TMPRSS3: variants seen among roughly 807,000 people sequenced by gnomAD.
TMPRSS3 encodes the protein transmembrane serine protease 3.
A neutral mutation model predicts 59.6 loss-of-function variants in TMPRSS3; 55 were observed. The observed-to-expected ratio is 0.92, with a 90% CI of 0.74 to 1.16. The LOEUF is 1.16. Ranked by LOEUF, TMPRSS3 falls within the 50% of genes most tolerant of loss-of-function variation. TMPRSS3 has a pLI of 0.00. For missense variants in TMPRSS3, 596 were observed against 579.4 expected, an observed-to-expected ratio of 1.03 and a Z score of -0.29; for synonymous variants, 257 against 237.7, an observed-to-expected ratio of 1.08 and a Z score of -0.75.
intron 1 of TMPRSS3, 103 bp downstream of exon 1, chr21:42,395,839 C>G (rs2052799268): frequency 2.3e-6 from 1 of 443,600 alleles, no homozygotes; most frequent in Non-Finnish European, 4.5e-6. Flanking sequence ...AAAGCCCTTT[C>G]CATTGCTTTT....
intron 2 of TMPRSS3, among the ~76,000 whole-genome samples, chr21:42,393,095 T>C (rs2052754221): frequency 6.6e-6 from 1 of 152,076 alleles, no homozygotes; most frequent in African/African-American, 2.4e-5. Flanking sequence ...AATACAAAAA[T>C]TAGCTGGGTG....
intron 9 of TMPRSS3, among the ~76,000 whole-genome samples, chr21:42,380,901 C>T (rs1413367552): frequency 6.6e-6 from 1 of 152,260 alleles, no homozygotes; most frequent in Non-Finnish European, 1.5e-5. Flanking sequence ...TCACTTGAAA[C>T]TTTGGCAAAG....
rs752967243 is a variant in TMPRSS3 at position 42,383,032 on chromosome 21, C to T, written c.782+1G>A. ...CTGGGAAGATGGTCAGCAGCACTCACTCATAAACACAGTGTGCAGCAGTGA... is the reference window on the plus strand; with the variant it reads ...CTGGGAAGATGGTCAGCAGCACTCATTCATAAACACAGTGTGCAGCAGTGA... On this transcript the variant is annotated splice_donor_variant, in intron 8 of 12. Coordinates refer to ENST00000644384, the MANE Select transcript of TMPRSS3 (RefSeq NM_001256317.3). LOFTEE classifies it high-confidence loss of function. 3 of 1,613,956 alleles carry T rather than the reference C, an allele frequency of 1.9e-6. No homozygotes were observed. Among genetic ancestry groups the T allele is most frequent in the Admixed American group, 1.7e-5 (1 of 60,002 alleles).
At chr21:42,372,839 A>G (rs2052358418) in intron 12 of TMPRSS3, 60 bp from the exon 13 acceptor site, 2 of 1,597,050 alleles carry the variant, frequency 1.3e-6, no homozygotes, top group South Asian at 2.2e-5. Flanking sequence ...GTCCAACATG[A>G]TGACGGAGCG....
At chr21:42,375,354 G>A (rs1472871931) in intron 12 of TMPRSS3, among the ~76,000 whole-genome samples, 1 of 149,502 alleles carries the variant, frequency 6.7e-6, no homozygotes, top group Non-Finnish European at 1.5e-5. Flanking sequence ...CACTGTCTCA[G>A]CCCCCCGCCC....
At chr21:42,376,492 A>T in intron 11 of TMPRSS3, 49 bp downstream of exon 11, 1 of 1,609,678 alleles carries the variant, frequency 6.2e-7, no homozygotes, top group Non-Finnish European at 8.5e-7. Context: ...ACCTGTCCCA[A>T]GGGCTGGGTC....
chr21:42,381,915 G>T lies in TMPRSS3; in HGVS notation c.952+150C>A. 3.0e-6 allele frequency: 3 copies of T among 1,000,386 alleles called. No homozygotes were observed. In the South Asian group the frequency reaches 4.0e-5, roughly 13 times the overall value. 62.0% of individuals were successfully genotyped at this position (1,000,386 alleles called of 1,614,324 possible). ...TTTTAATGAGAAAAGATAATCAACT[G>T]ATGCCAACACCAACATGAATCAGGA... On this transcript the variant is annotated intron_variant, in intron 9 of 12. Coordinates refer to ENST00000644384, the MANE Select transcript of TMPRSS3 (RefSeq NM_001256317.3).
At chr21:42,380,413 A>C (rs1302665811) in intron 9 of TMPRSS3, among the ~76,000 whole-genome samples, 2 of 152,044 alleles carry the variant, frequency 1.3e-5, no homozygotes, top group Non-Finnish European at 2.9e-5. Flanking sequence ...AAAACTGTAA[A>C]AGAGCCCTCC....
rs1230868564 is a variant in TMPRSS3, at chr21:42,388,760, C to T, written c.322+169G>A. On this transcript the variant is annotated intron_variant, in intron 4 of 12. Coordinates refer to ENST00000644384, the MANE Select transcript of TMPRSS3 (RefSeq NM_001256317.3). The surrounding 1 kb of genome is among the most constrained non-coding windows in gnomAD (Gnocchi z 5.1). ...GAGAGCCAGAGCTCCATGGAAGGCC[C>T]TCCCTGACCCCCCAGCCCAACATGT... Among the ~76,000 whole-genome samples, 2 of 151,444 alleles carry T rather than the reference C, an allele frequency of 1.3e-5. No homozygotes were observed. Among genetic ancestry groups the T allele is most frequent in the East Asian group, 1.9e-4 (1 of 5,190 alleles).
At chr21:42,375,583 A>G in intron 12 of TMPRSS3, 133 bp downstream of exon 12, 3 of 1,177,610 alleles carry the variant, frequency 2.5e-6, no homozygotes, top group Non-Finnish European at 3.8e-6. Context: ...CCCTGGAGCC[A>G]CCAAGTCACT....
At chr21:42,385,383 G>A in intron 6 of TMPRSS3, 26 bp downstream of exon 6, 2 of 1,613,626 alleles carry the variant, frequency 1.2e-6, no homozygotes, top group Non-Finnish European at 1.7e-6. Context: ...TACCTGTGCA[G>A]ACAACAGCAT....
In TMPRSS3 at chr21:42,388,693, C is replaced by G. The variant is rs1346298586; in HGVS notation, c.323-167G>C. Among the ~76,000 whole-genome samples the G allele has an allele frequency of 6.6e-6, 1 of 152,224 alleles. No individual in the cohort carries two copies. Among genetic ancestry groups the G allele is most frequent in the Non-Finnish European group, 1.5e-5 (1 of 68,038 alleles). ...GAGCAGTGACTCTGGATCCCTGAGA[C>G]TTCTCGCTGGTCTCATCTTATTGCT... On this transcript the variant is annotated intron_variant, in intron 4 of 12. Transcript: ENST00000644384. The surrounding 1 kb of genome is among the most constrained non-coding windows in gnomAD (Gnocchi z 5.1).
Position 42,385,395 on chromosome 21 carries a change from G to T in TMPRSS3, c.572+14C>A. The stretch of plus-strand genomic sequence containing the variant: ...CGATACCTGTGCAGACAACAGCATC[G>T]CCTGACCACCTACCTCACATATACT... On this transcript the variant is annotated intron_variant, in intron 6 of 12. Coordinates refer to ENST00000644384, the MANE Select transcript of TMPRSS3 (RefSeq NM_001256317.3). The T allele has an allele frequency of 1.9e-6, 3 of 1,613,596 alleles. No homozygotes were observed. The highest frequency in any genetic ancestry group is 2.5e-6 in the Non-Finnish European group (3 of 1,179,838).
chr21:42,390,682 C>T (rs1323080500), intron 2 of TMPRSS3, among the ~76,000 whole-genome samples: 5 of 152,090 alleles, frequency 3.3e-5, no homozygotes, highest in African/African-American at 7.2e-5. Context: ...GAGCTGAGAT[C>T]GCACTGCTAC....
In TMPRSS3 at chr21:42,395,467, T is replaced by C. The variant is rs1197071803; in HGVS notation, c.-50A>G. On this transcript the variant is annotated splice_region_variant and 5_prime_UTR_variant, in exon 2 of 13. Transcript: ENST00000644384. The stretch of plus-strand genomic sequence containing the variant: ...ATCCGGCTCCGCCTCCACCTCTACC[T>C]CCTTAGCCGAGGAAGAACAGAAAGC... The C allele has an allele frequency of 1.3e-6, 2 of 1,483,514 alleles. No homozygotes were observed. Among genetic ancestry groups the C allele is most frequent in the African/African-American group, 1.4e-5 (1 of 72,406 alleles). The allele number at this position is 1,483,514 out of a possible 1,614,324, so 91.9% of individuals were successfully genotyped here. A position where few individuals can be genotyped will look rare whatever the true frequency, so the allele number is the denominator to read the frequency against.
chr21:42,379,984 C>A, intron 10 of TMPRSS3, 133 bp downstream of exon 10: 1 of 745,578 alleles, frequency 1.3e-6, no homozygotes, highest in Non-Finnish European at 2.4e-6. Context: ...TCCCGAGCAG[C>A]TGACATGCAC....
intron 10 of TMPRSS3, among the ~76,000 whole-genome samples, chr21:42,377,558 G>A (rs1052574392): frequency 2.0e-5 from 3 of 152,174 alleles, no homozygotes; most frequent in Non-Finnish European, 4.4e-5. Context: ...CACGAATTTG[G>A]GGTCGTTTGT....
Position 42,388,224 on chromosome 21 carries a change from C to T in TMPRSS3, c.446+179G>A, listed in dbSNP as rs866379476. Among the ~76,000 whole-genome samples, 1 of 152,258 alleles carries T rather than the reference C, an allele frequency of 6.6e-6. No homozygotes were observed. Among genetic ancestry groups the T allele is most frequent in the Non-Finnish European group, 1.5e-5 (1 of 68,050 alleles). ...GCCTTGAGCAAGTCACTTAGCCTGTCTGGCCTTGGTTTGCTTGCCTGTGAA... is the reference window on the plus strand; with the variant it reads ...GCCTTGAGCAAGTCACTTAGCCTGTTTGGCCTTGGTTTGCTTGCCTGTGAA... On this transcript the variant is annotated intron_variant, in intron 5 of 12. Coordinates refer to ENST00000644384, the MANE Select transcript of TMPRSS3 (RefSeq NM_001256317.3). The surrounding 1 kb of genome is among the most constrained non-coding windows in gnomAD (Gnocchi z 5.1).
In TMPRSS3 at chr21:42,382,059, A is replaced by T. The variant is rs1253025415; in HGVS notation, c.952+6T>A. The T allele has an allele frequency of 6.2e-7, 1 of 1,614,120 alleles. No individual in the cohort carries two copies. The highest frequency in any genetic ancestry group is 8.5e-7 in the Non-Finnish European group (1 of 1,180,060). On this transcript the variant is annotated splice_donor_region_variant and intron_variant, in intron 9 of 12. Coordinates refer to ENST00000644384, the MANE Select transcript of TMPRSS3 (RefSeq NM_001256317.3). Reference sequence around the variant, plus strand: ...GCTGCAGAACCACATAGAGACCCAGATGTACCATTGAACGTGAGTGGCCCG... The same window carrying T: ...GCTGCAGAACCACATAGAGACCCAGTTGTACCATTGAACGTGAGTGGCCCG...
Sources: gnomAD v4.1 joint callset for allele counts (sites outside exome capture counted in the v4.1 genomes callset) on GRCh38, gnomAD v4.1.1 for gene constraint, Gnocchi (gnomAD v3.1) non-coding constraint, MANE v1.5 for transcripts, NCBI Gene and HGNC (gene_info 2026-07-23, HGNC 2026-07-21) for gene names.